The following C11orf71 variants were observed in gnomAD, a reference collection of about 807,000 sequenced individuals.
C11orf71 encodes uncharacterized protein C11orf71.
For synonymous variants in C11orf71, 72 were observed against 73.4 expected, an observed-to-expected ratio of 0.98 and a Z score of 0.09; for missense variants, 179 against 167.6, an observed-to-expected ratio of 1.07 and a Z score of -0.38.
rs1367825376 is a variant in C11orf71, at chr11:114,398,823, C to T, written c.*1137G>A. On this transcript the variant is annotated 3_prime_UTR_variant, in exon 1 of 1. Transcript: ENST00000623205. ...TACTATGTGGTGTATGGAGATTTTG[C>T]TTTATTTGAAGATAATTATTTTAAG... 1.3e-5 allele frequency: 2 copies of T among 152,062 alleles called. No homozygotes were observed. Among genetic ancestry groups the T allele is most frequent in the Non-Finnish European group, 2.9e-5 (2 of 68,020 alleles). 9.4% of individuals were successfully genotyped at this position (152,062 alleles called of 1,614,324 possible).
downstream of C11orf71, among the ~76,000 whole-genome samples, chr11:114,394,174 G>GTTTCTTTTCTTTTCTTTTTTCT (rs1187890536): frequency 1.3e-5 from 1 of 77,520 alleles, no homozygotes; most frequent in African/African-American, 5.5e-5. Flanking sequence ...TAGAGACGGG[G>GTTTCTTTTCTTTTCTTTTTTCT]TTTCGTTTCT....
downstream of C11orf71, among the ~76,000 whole-genome samples, chr11:114,397,540 A>G (rs150724986): frequency 6.6e-6 from 1 of 152,202 alleles, no homozygotes. Context: ...CTTGCCAAAC[A>G]AAACACAAAC....
At chr11:114,394,089 CCTGCCTCAGCCTCCCAAGTAG>C (rs1946093281), downstream of C11orf71, among the ~76,000 whole-genome samples, 1 of 151,832 alleles carries the variant, frequency 6.6e-6, no homozygotes, top group South Asian at 2.1e-4. Context: ...ACGCCATTCT[CCTGCCTCAGCCTCCCAAGTAG>C]CTGGGACTAC....
At chr11:114,394,024 G>A (rs945487002), downstream of C11orf71, among the ~76,000 whole-genome samples, 3 of 151,946 alleles carry the variant, frequency 2.0e-5, no homozygotes, top group African/African-American at 7.2e-5. Context: ...CTGTCGCCCA[G>A]GCTGGAGTGC....
chr11:114,394,274 T>G (rs866138511), downstream of C11orf71, among the ~76,000 whole-genome samples: 24 of 79,376 alleles, frequency 3.0e-4, 3 homozygotes, highest in African/African-American at 1.5e-3. Flanking sequence ...TTTCTTTTCT[T>G]TTCTTTTCTT....
intron 1 of C11orf71, among the ~76,000 whole-genome samples, chr11:114,392,364 C>A (rs559653641): frequency 6.6e-6 from 1 of 151,846 alleles, no homozygotes; most frequent in East Asian, 1.9e-4. Context: ...ATGGTGAAAT[C>A]CCGTCTCTAC....
chr11:114,400,465 G>A lies in C11orf71; in HGVS notation c.-134C>T. ...GGAACCCATAACTGAGCCTGCGGAA[G>A]AGCCAGAAGCCGCCTTGCCTTTAAC... On this transcript the variant is annotated 5_prime_UTR_variant, in exon 1 of 1. Coordinates refer to ENST00000623205, the MANE Select transcript of C11orf71 (RefSeq NM_001271562.2). 1.5e-6 allele frequency: 2 copies of A among 1,333,814 alleles called. No homozygotes were observed. Among genetic ancestry groups the A allele is most frequent in the Non-Finnish European group, 2.0e-6 (2 of 992,426 alleles). 82.6% of individuals were successfully genotyped at this position (1,333,814 alleles called of 1,614,324 possible).
At chr11:114,394,174 G>GTTTCTTTTCTTTTCTTTCTTTTCT (rs1187890536), downstream of C11orf71, among the ~76,000 whole-genome samples, 3 of 77,518 alleles carry the variant, frequency 3.9e-5, no homozygotes, top group East Asian at 3.3e-4. Flanking sequence ...TAGAGACGGG[G>GTTTCTTTTCTTTTCTTTCTTTTCT]TTTCGTTTCT....
chr11:114,394,231 T>TTC (rs1555024217), downstream of C11orf71, among the ~76,000 whole-genome samples: 64 of 44,828 alleles, frequency 1.4e-3, 3 homozygotes, highest in Middle Eastern at 7.9e-3. Flanking sequence ...TTCTTTTCTT[T>TTC]CTTTTCTTTT....
chr11:114,400,446 C>G lies in C11orf71; in HGVS notation c.-115G>C, dbSNP rs904416802. The G allele has an allele frequency of 5.8e-6, 8 of 1,384,086 alleles. No individual in the cohort carries two copies. The Admixed American group carries it at 1.4e-4, about 24-fold the overall frequency. The allele number at this position is 1,384,086 out of a possible 1,614,324, so 85.7% of individuals were successfully genotyped here. A position where few individuals can be genotyped will look rare whatever the true frequency, so the allele number is the denominator to read the frequency against. ...CCCGATGACTAAGCACACAGGAACCCATAACTGAGCCTGCGGAAGAGCCAG... is the reference window on the plus strand; with the variant it reads ...CCCGATGACTAAGCACACAGGAACCGATAACTGAGCCTGCGGAAGAGCCAG... On this transcript the variant is annotated 5_prime_UTR_variant, in exon 1 of 1. The change abolishes an upstream ATG in the 5' untranslated region. Transcript: ENST00000623205.
At position 114,400,061 on chromosome 11, in the gene C11orf71, G is replaced by C. The variant is rs1946170858; in HGVS notation, c.271C>G (p.Pro91Ala). 4 of 1,614,062 alleles carry C rather than the reference G, an allele frequency of 2.5e-6. No individual in the cohort carries two copies. The highest frequency in any genetic ancestry group is 3.4e-6 in the Non-Finnish European group (4 of 1,179,898). Residue 91 changes from proline (P) to alanine (A), a missense_variant, in exon 1 of 1, where the codon CCT (proline) becomes GCT (alanine). Transcript: ENST00000623205. ...GGTTCAACGGCAGGGATTGGGTAAGGTGAGAATCTGGCTTGGCGGCTCCGG... is the reference window on the plus strand; with the variant it reads ...GGTTCAACGGCAGGGATTGGGTAAGCTGAGAATCTGGCTTGGCGGCTCCGG... Reference protein sequence around the residue: ...RGRSRQARFSPYPIPAVEPDL... With the variant: ...RGRSRQARFSAYPIPAVEPDL...
In C11orf71 at chr11:114,399,901, A is replaced by T. The variant is rs1393875503; in HGVS notation, c.*59T>A. 2.7e-6 allele frequency: 4 copies of T among 1,508,688 alleles called. No homozygotes were observed. Among genetic ancestry groups the T allele is most frequent in the Non-Finnish European group, 3.5e-6 (4 of 1,131,098 alleles). The allele number at this position is 1,508,688 out of a possible 1,614,324, so 93.5% of individuals were successfully genotyped here. A position where few individuals can be genotyped will look rare whatever the true frequency, so the allele number is the denominator to read the frequency against. On this transcript the variant is annotated 3_prime_UTR_variant, in exon 1 of 1. Coordinates refer to ENST00000623205, the MANE Select transcript of C11orf71 (RefSeq NM_001271562.2). Reference sequence around the variant, plus strand: ...ACAACACGATTGCTGCTACACCAAGAAAGGATTTTAAAAAGGCCTGTTCAC... The same window carrying T: ...ACAACACGATTGCTGCTACACCAAGTAAGGATTTTAAAAAGGCCTGTTCAC...
chr11:114,392,700 C>T (rs1252380279), intron 1 of C11orf71, among the ~76,000 whole-genome samples: 1 of 145,680 alleles, frequency 6.9e-6, no homozygotes, highest in Non-Finnish European at 1.5e-5. Flanking sequence ...CACTGCACCC[C>T]AGAGCCTGAG....
downstream of C11orf71, among the ~76,000 whole-genome samples, chr11:114,394,228 C>CTTTCCTTTCCTTTCCTTTCCTTTCT (rs1946102532): frequency 3.7e-4 from 18 of 48,700 alleles, 3 homozygotes; most frequent in South Asian, 3.3e-3. Flanking sequence ...CTTTTCTTTT[C>CTTTCCTTTCCTTTCCTTTCCTTTCT]TTTCTTTTCT....
intron 1 of C11orf71, among the ~76,000 whole-genome samples, chr11:114,393,454 CA>C (rs776639632): frequency 1.3e-5 from 2 of 152,152 alleles, no homozygotes; most frequent in African/African-American, 2.4e-5. Flanking sequence ...AGGCAAATAT[CA>C]AGAGAAAAAT....
chr11:114,394,223 C>CT (rs1276481963), downstream of C11orf71, among the ~76,000 whole-genome samples: 2 of 60,272 alleles, frequency 3.3e-5, no homozygotes, highest in East Asian at 6.1e-4. Flanking sequence ...CTTTTCTTTT[C>CT]TTTTCTTTCT....
At chr11:114,393,643 T>A (rs763755808), downstream of C11orf71, among the ~76,000 whole-genome samples, 19 of 152,354 alleles carry the variant, frequency 1.2e-4, no homozygotes, top group Non-Finnish European at 2.5e-4. Flanking sequence ...CTATTGATTT[T>A]GATGATAAAG....
downstream of C11orf71, among the ~76,000 whole-genome samples, chr11:114,394,294 T>TTTCTTTTCTTTTCTC (rs1946112697): frequency 1.5e-3 from 61 of 41,722 alleles, 6 homozygotes; most frequent in African/African-American, 2.9e-3. Flanking sequence ...TTTCTCTTAT[T>TTTCTTTTCTTTTCTC]TTCTTTTCTT....
At chr11:114,391,696 T>C (rs1486409665) in intron 1 of C11orf71, 1 of 1,022,200 alleles carries the variant, frequency 9.8e-7, no homozygotes, top group South Asian at 1.8e-5. Context: ...GAGTATAAGA[T>C]GGCAGGGAGT....
Sources: gnomAD v4.1 joint callset for allele counts (sites outside exome capture counted in the v4.1 genomes callset) on GRCh38, gnomAD v4.1.1 for gene constraint, MANE v1.5 for transcripts, NCBI Gene and HGNC (gene_info 2026-07-23, HGNC 2026-07-21) for gene names.